IKZF2: variants seen among roughly 807,000 people sequenced by gnomAD.
The protein encoded by IKZF2 is IKAROS family zinc finger 2, also known as zinc finger protein Helios.
IKZF2 carries 15 observed loss-of-function variants against 49.2 expected under a neutral mutation model. The observed-to-expected ratio is 0.30, with a 90% CI of 0.20 to 0.47. The LOEUF (loss-of-function observed/expected upper bound fraction) is 0.47, where lower values mean the gene tolerates loss of function less well. IKZF2 is among the 20% of genes least tolerant of loss of function. The probability of loss-of-function intolerance (pLI) is 1.00; values close to 1 mark genes in which losing one functional copy is unlikely to be tolerated. For synonymous variants in IKZF2, 227 were observed against 221.4 expected (o/e 1.03, Z -0.23); for missense variants, 567 against 664.6 (o/e 0.85, Z 1.61).
At chr2:213,041,767 G>A (rs1270945316) in intron 6 of IKZF2, among the ~76,000 whole-genome samples, 2 of 152,078 alleles carry the variant, frequency 1.3e-5, no homozygotes, top group South Asian at 2.1e-4. Context: ...GCTATCAGAT[G>A]TAGGATATCA....
At chr2:213,086,538 T>C (rs893859680) in intron 4 of IKZF2, among the ~76,000 whole-genome samples, 2 of 152,106 alleles carry the variant, frequency 1.3e-5, no homozygotes, top group Non-Finnish European at 2.9e-5. Context: ...CAGGTGAGTA[T>C]GATTATTTTT....
At chr2:213,141,357 C>G (rs2060864182) in intron 4 of IKZF2, among the ~76,000 whole-genome samples, 1 of 151,964 alleles carries the variant, frequency 6.6e-6, no homozygotes, top group Non-Finnish European at 1.5e-5. Context: ...AGTCAAAAGA[C>G]TGAAGTCACC....
chr2:213,054,130 G>A (rs1428109643), intron 5 of IKZF2, among the ~76,000 whole-genome samples: 1 of 152,064 alleles, frequency 6.6e-6, no homozygotes, highest in Admixed American at 6.5e-5. Context: ...TGTAATTCCA[G>A]CTACTTTGGA....
intron 4 of IKZF2, among the ~76,000 whole-genome samples, chr2:213,119,846 A>G (rs2059993645): frequency 2.0e-5 from 3 of 152,208 alleles, no homozygotes; most frequent in Non-Finnish European, 4.4e-5. Flanking sequence ...AGGAGAAGAA[A>G]AATAATTAGT....
chr2:213,147,679 CAAAA>C, intron 4 of IKZF2, 25 bp downstream of exon 4: 1 of 1,460,548 alleles, frequency 6.8e-7, no homozygotes, highest in Non-Finnish European at 9.4e-7. Context: ...CACACACACA[CAAAA>C]AAAAATCATA....
chr2:213,073,702 T>C (rs1428044296), intron 4 of IKZF2, among the ~76,000 whole-genome samples: 3 of 152,226 alleles, frequency 2.0e-5, no homozygotes, highest in East Asian at 3.8e-4. Context: ...TAAAAACTTA[T>C]GAATAACATA....
At chr2:213,019,609 T>G (rs529675632) in intron 7 of IKZF2, among the ~76,000 whole-genome samples, 1 of 152,212 alleles carries the variant, frequency 6.6e-6, no homozygotes, top group African/African-American at 2.4e-5. Flanking sequence ...TGTAAACTTA[T>G]GTGGTTAAAA....
intron 7 of IKZF2, 115 bp downstream of exon 7, chr2:213,021,878 C>A (rs1182697378): frequency 6.3e-6 from 7 of 1,104,850 alleles, no homozygotes; most frequent in Non-Finnish European, 3.9e-6. Context: ...CAAAGCTCAA[C>A]TCATTTAAGT....
rs149527934 is a variant in IKZF2 at position 213,008,039 on chromosome 2, A to C, written c.902T>G (p.Met301Arg). ...AGCCTCCTTCTCATATGTTAAGTTCATATCAAAGTGAATATCTGGGTAGCT... is the reference window on the plus strand; with the variant it reads ...AGCCTCCTTCTCATATGTTAAGTTCCTATCAAAGTGAATATCTGGGTAGCT... Reference protein sequence around the residue: ...RFSYPDIHFDMNLTYEKEAEL... With the variant: ...RFSYPDIHFDRNLTYEKEAEL... The change falls in exon 9 of 9, where the codon ATG (methionine) becomes AGG (arginine). Residue 301 changes from methionine to arginine, a missense_variant. Physicochemically the swap from Met to Arg is moderately conservative, Grantham distance 91. This residue lies in a region of IKZF2 where 310 missense variants were observed against 326.9 expected (regional missense o/e 0.95). Transcript: ENST00000434687. The C allele has an allele frequency of 6.2e-7, 1 of 1,612,434 alleles. No individual in the cohort carries two copies. The highest frequency in any genetic ancestry group is 8.5e-7 in the Non-Finnish European group (1 of 1,179,106).
At chr2:213,149,091 G>A (rs2125995181) in intron 2 of IKZF2, among the ~76,000 whole-genome samples, 2 of 152,226 alleles carry the variant, frequency 1.3e-5, no homozygotes, top group Middle Eastern at 6.8e-3. Context: ...CTAATAGGGA[G>A]GGGGAGGACA....
chr2:213,112,814 G>T (rs1408252170), intron 4 of IKZF2, among the ~76,000 whole-genome samples: 1 of 152,068 alleles, frequency 6.6e-6, no homozygotes, highest in East Asian at 1.9e-4. Flanking sequence ...ACCTCTTAAT[G>T]GCTTTTAATT....
intron 5 of IKZF2, chr2:213,056,426 T>C: frequency 3.5e-6 from 1 of 281,854 alleles, no homozygotes; most frequent in Admixed American, 5.0e-5. Context: ...AAAGTGAAAA[T>C]TATTCACTTA....
At chr2:213,023,882 T>C (rs188652261) in intron 6 of IKZF2, among the ~76,000 whole-genome samples, 14 of 152,294 alleles carry the variant, frequency 9.2e-5, no homozygotes, top group African/African-American at 1.4e-4. Context: ...CATATTCTCC[T>C]ATACTTTCTT....
intron 4 of IKZF2, among the ~76,000 whole-genome samples, chr2:213,068,579 T>C (rs944062646): frequency 1.3e-5 from 2 of 152,078 alleles, no homozygotes; most frequent in African/African-American, 2.4e-5. Flanking sequence ...TAATAGTTAT[T>C]GGTCACTATT....
intron 4 of IKZF2, among the ~76,000 whole-genome samples, chr2:213,147,010 T>C (rs902831805): frequency 6.6e-6 from 1 of 151,456 alleles, no homozygotes; most frequent in East Asian, 1.9e-4. Flanking sequence ...CTTAATAAAG[T>C]ATTTTGTCTT....
chr2:213,097,219 T>A (rs1360194216), intron 4 of IKZF2, among the ~76,000 whole-genome samples: 2 of 151,880 alleles, frequency 1.3e-5, no homozygotes, highest in Non-Finnish European at 2.9e-5. Context: ...TTCTAAAAAA[T>A]ATGCAATAGT....
At chr2:213,063,565 A>AATG (rs2125430381) in intron 4 of IKZF2, among the ~76,000 whole-genome samples, 1 of 152,110 alleles carries the variant, frequency 6.6e-6, no homozygotes, top group African/African-American at 2.4e-5. Context: ...TGATAATAGT[A>AATG]ATGATAATAA....
intron 6 of IKZF2, among the ~76,000 whole-genome samples, chr2:213,041,267 A>T (rs927256664): frequency 6.7e-6 from 1 of 150,164 alleles, no homozygotes; most frequent in Non-Finnish European, 1.5e-5. Flanking sequence ...TATGTAATGT[A>T]TCTCTGGGAC....
At chr2:213,119,190 G>C (rs1219329794) in intron 4 of IKZF2, among the ~76,000 whole-genome samples, 1 of 152,122 alleles carries the variant, frequency 6.6e-6, no homozygotes, top group South Asian at 2.1e-4. Flanking sequence ...TACCACAAGG[G>C]AAGTGGGTTT....
Sources: gnomAD v4.1 joint callset for allele counts (sites outside exome capture counted in the v4.1 genomes callset) on GRCh38, gnomAD v4.1.1 for gene constraint, gnomAD v4.1.1 regional missense constraint, MANE v1.5 for transcripts, NCBI Gene and HGNC (gene_info 2026-07-23, HGNC 2026-07-21) for gene names.